PPARGC1B: variants seen among roughly 807,000 people sequenced by gnomAD.
PPARGC1B encodes peroxisome proliferator-activated receptor gamma coactivator 1-beta.
A neutral mutation model predicts 101.6 loss-of-function variants in PPARGC1B; 34 were observed. That is an observed-to-expected ratio of 0.33 (90% CI 0.25 to 0.45). The LOEUF (loss-of-function observed/expected upper bound fraction) is 0.45. Among genes scored for constraint, PPARGC1B ranks in the 20% least tolerant of loss-of-function variants. The pLI, the probability that PPARGC1B is intolerant of heterozygous loss-of-function variation, is 1.00. For synonymous variants in PPARGC1B, 548 were observed against 539.3 expected (o/e 1.02, Z -0.22); for missense variants, 1,234 against 1,317.6 (o/e 0.94, Z 0.98).
intron 11 of PPARGC1B, chr5:149,846,247 G>C (rs1187568021): frequency 3.8e-6 from 2 of 530,934 alleles, no homozygotes; most frequent in African/African-American, 1.9e-5. Flanking sequence ...CTGCTACCCT[G>C]TCCCCTTCAG....
At chr5:149,834,602 C>T in intron 5 of PPARGC1B, 72 bp from the exon 6 acceptor site, 2 of 1,425,122 alleles carry the variant, frequency 1.4e-6, no homozygotes, top group Non-Finnish European at 2.0e-6. Context: ...GGCCTAGGGT[C>T]TCCTCCAGAG....
chr5:149,796,361 A>T (rs11951823), intron 1 of PPARGC1B, among the ~76,000 whole-genome samples: 1 of 152,152 alleles, frequency 6.6e-6, no homozygotes, highest in South Asian at 2.1e-4. Context: ...TGGCTGTGGC[A>T]TGGTCAGTGA....
At chr5:149,775,231 T>C (rs1474959236) in intron 1 of PPARGC1B, among the ~76,000 whole-genome samples, 1 of 152,158 alleles carries the variant, frequency 6.6e-6, no homozygotes, top group African/African-American at 2.4e-5. Context: ...AGAATGCACA[T>C]TTTTCTGTGG....
chr5:149,847,178 G>T (rs1759597930), intron 11 of PPARGC1B: 2 of 552,820 alleles, frequency 3.6e-6, no homozygotes, highest in Admixed American at 3.0e-5. Context: ...AAGTAGAGTT[G>T]TAGGGTGTTG....
chr5:149,766,129 C>T (rs1755905737), intron 1 of PPARGC1B, among the ~76,000 whole-genome samples: 1 of 152,210 alleles, frequency 6.6e-6, no homozygotes, highest in Non-Finnish European at 1.5e-5. Context: ...ATGTTGCCAC[C>T]TTGTGGCAGC....
At chr5:149,790,235 T>C (rs369953767) in intron 1 of PPARGC1B, among the ~76,000 whole-genome samples, 7 of 152,276 alleles carry the variant, frequency 4.6e-5, no homozygotes, top group African/African-American at 1.7e-4. Context: ...AGGACCAGAA[T>C]GATAGGCACA....
At chr5:149,801,344 CAA>C (rs1422464918) in intron 1 of PPARGC1B, among the ~76,000 whole-genome samples, 2 of 151,794 alleles carry the variant, frequency 1.3e-5, no homozygotes, top group East Asian at 1.9e-4. Context: ...TCTGCAAGCT[CAA>C]AAAAAAGTTT....
chr5:149,844,553 C>T (rs1393033140), intron 10 of PPARGC1B, among the ~76,000 whole-genome samples: 1 of 152,174 alleles, frequency 6.6e-6, no homozygotes, highest in African/African-American at 2.4e-5. Flanking sequence ...GCATAAGAAT[C>T]GCTTGAACCC....
intron 1 of PPARGC1B, among the ~76,000 whole-genome samples, chr5:149,781,349 G>A (rs900273274): frequency 1.3e-5 from 2 of 152,166 alleles, no homozygotes; most frequent in African/African-American, 4.8e-5. Context: ...TTGTCCTGCC[G>A]TTCTGCATAG....
In PPARGC1B at chr5:149,853,588, G is replaced by T. The variant is rs1258918224; in HGVS notation, c.*6030G>T. On this transcript the variant is annotated 3_prime_UTR_variant, in exon 12 of 12. Transcript: ENST00000309241. This position sits in a 1 kb window ranked among gnomAD's most constrained non-coding sequence, Gnocchi z 4.2. ...ATAAGAAGTTGGGTGTAAGGATTTT[G>T]TGGGGGGCCTGGCCATGATCTTTGA... The T allele has an allele frequency of 6.6e-6, 1 of 152,228 alleles. No individual in the cohort carries two copies. Among genetic ancestry groups the T allele is most frequent in the Non-Finnish European group, 1.5e-5 (1 of 68,036 alleles). The allele number at this position is 152,228 out of a possible 1,614,324, so 9.4% of individuals were successfully genotyped here. A position where few individuals can be genotyped will look rare whatever the true frequency, so the allele number is the denominator to read the frequency against.
chr5:149,763,261 G>T (rs1423536337), intron 1 of PPARGC1B, among the ~76,000 whole-genome samples: 1 of 152,194 alleles, frequency 6.6e-6, no homozygotes, highest in East Asian at 1.9e-4. Flanking sequence ...CAGGTTCTTG[G>T]GTGACTCTTG....
chr5:149,742,028 A>G (rs1175420645), intron 1 of PPARGC1B, among the ~76,000 whole-genome samples: 3 of 152,052 alleles, frequency 2.0e-5, no homozygotes, highest in South Asian at 2.1e-4. Flanking sequence ...GATGATGATG[A>G]TGGTGGTGGT....
At chr5:149,830,674 T>C in intron 3 of PPARGC1B, 93 bp from the exon 4 acceptor site, 1 of 868,858 alleles carries the variant, frequency 1.2e-6, no homozygotes, top group Non-Finnish European at 1.9e-6. Context: ...GGTCCTGTGA[T>C]GCCCAAGGTC....
intron 1 of PPARGC1B, among the ~76,000 whole-genome samples, chr5:149,749,892 CT>C (rs1449304320): frequency 6.6e-6 from 1 of 152,156 alleles, no homozygotes; most frequent in African/African-American, 2.4e-5. Flanking sequence ...TTGGTAAATT[CT>C]GCTTGGAGCT....
intron 1 of PPARGC1B, among the ~76,000 whole-genome samples, chr5:149,796,696 C>T (rs1757228586): frequency 6.6e-6 from 1 of 152,070 alleles, no homozygotes; most frequent in Non-Finnish European, 1.5e-5. Context: ...GCAGACAAGA[C>T]TGGCTGATGG....
At chr5:149,844,495 C>G (rs1561637357) in intron 10 of PPARGC1B, among the ~76,000 whole-genome samples, 1 of 152,108 alleles carries the variant, frequency 6.6e-6, no homozygotes, top group Non-Finnish European at 1.5e-5. Flanking sequence ...AAAAATTACC[C>G]GGGCGTGGTG....
rs1313967756 is a variant in PPARGC1B, at chr5:149,837,060, C to T, written c.2605C>T (p.Arg869Ter). ...CTGCCACTCCTGGTCACCAGCCACT[C>T]GAAGGAACTTCAGGTATGAACAGGG... ...SPCHSWSPAT[R>*]RNFRCESRGP... The change falls in exon 8 of 12, where the codon CGA becomes TGA. Residue 869 changes from arginine to a stop codon, truncating the protein, a stop_gained. Transcript: ENST00000309241. LOFTEE classifies it high-confidence loss of function. This position sits in a 1 kb window ranked among gnomAD's most constrained non-coding sequence, Gnocchi z 4.2. The T allele has an allele frequency of 6.2e-7, 1 of 1,612,364 alleles. No homozygotes were observed. Among genetic ancestry groups the T allele is most frequent in the Non-Finnish European group, 8.5e-7 (1 of 1,179,508 alleles).
intron 11 of PPARGC1B, chr5:149,846,159 G>A: frequency 1.7e-6 from 1 of 596,100 alleles, no homozygotes; most frequent in Non-Finnish European, 3.0e-6. Context: ...GCCTCCCACG[G>A]CCTCTAGGAA....
chr5:149,781,375 C>G (rs543950798), intron 1 of PPARGC1B, among the ~76,000 whole-genome samples: 1 of 152,278 alleles, frequency 6.6e-6, no homozygotes, highest in South Asian at 2.1e-4. Flanking sequence ...ATTCTGTGAC[C>G]TGGGATCAGG....
Sources: gnomAD v4.1 joint callset for allele counts (sites outside exome capture counted in the v4.1 genomes callset) on GRCh38, gnomAD v4.1.1 for gene constraint, Gnocchi (gnomAD v3.1) non-coding constraint, MANE v1.5 for transcripts, NCBI Gene and HGNC (gene_info 2026-07-23, HGNC 2026-07-21) for gene names.